The following SNTG1 variants were observed in gnomAD, a reference collection of about 807,000 sequenced individuals.
SNTG1 encodes gamma-1-syntrophin.
In SNTG1, 39 loss-of-function variants were observed where a neutral mutation model predicts 74.7. The observed-to-expected ratio is 0.52, with a 90% confidence interval of 0.40 to 0.68. The LOEUF is 0.68. Among genes scored for constraint, SNTG1 ranks in the 30% least tolerant of loss-of-function variants. The probability of loss-of-function intolerance (pLI) is 0.00; values close to 1 mark genes in which losing one functional copy is unlikely to be tolerated. For missense variants in SNTG1, 685 were observed against 609.5 expected (o/e 1.12, Z -1.30); for synonymous variants, 254 against 217.1 (o/e 1.17, Z -1.49).
At chr8:50,309,727 G>GTGGA (rs1287936635) in intron 2 of SNTG1, among the ~76,000 whole-genome samples, 2 of 152,174 alleles carry the variant, frequency 1.3e-5, no homozygotes, top group Non-Finnish European at 2.9e-5. Context: ...GAGAGACGAA[G>GTGGA]TGGAGATTAA....
chr8:50,550,005 T>A (rs80319411), intron 11 of SNTG1, among the ~76,000 whole-genome samples: 6 of 152,084 alleles, frequency 3.9e-5, no homozygotes, highest in African/African-American at 1.4e-4. Flanking sequence ...CCTTATTAAA[T>A]CTGTAAATTG....
chr8:49,916,387 A>G (rs1806036079), intron 1 of SNTG1, among the ~76,000 whole-genome samples: 1 of 152,158 alleles, frequency 6.6e-6, no homozygotes, highest in Non-Finnish European at 1.5e-5. Context: ...GGTCTCCTGA[A>G]TTTGGTCTTC....
chr8:50,218,331 T>G (rs2084896862), intron 2 of SNTG1, among the ~76,000 whole-genome samples: 1 of 145,942 alleles, frequency 6.9e-6, no homozygotes, highest in African/African-American at 2.8e-5. Flanking sequence ...TTGTAAAAAT[T>G]TAAGAAAAAA....
intron 8 of SNTG1, among the ~76,000 whole-genome samples, chr8:50,494,744 G>A (rs1335721181): frequency 1.3e-5 from 2 of 152,004 alleles, no homozygotes; most frequent in African/African-American, 4.8e-5. Context: ...AGAATGATAT[G>A]TCTCTTTATA....
chr8:50,103,942 G>T (rs2080257902), intron 1 of SNTG1, among the ~76,000 whole-genome samples: 3 of 152,154 alleles, frequency 2.0e-5, no homozygotes, highest in Non-Finnish European at 4.4e-5. Flanking sequence ...GCTTTTTGAT[G>T]TGCTGCTGGA....
At chr8:50,581,303 T>G (rs2094608275) in intron 12 of SNTG1, among the ~76,000 whole-genome samples, 1 of 152,198 alleles carries the variant, frequency 6.6e-6, no homozygotes, top group African/African-American at 2.4e-5. Flanking sequence ...GACAAGATGC[T>G]AGGAAATCCT....
At chr8:50,400,770 T>C (rs2092793265) in intron 3 of SNTG1, among the ~76,000 whole-genome samples, 1 of 151,928 alleles carries the variant, frequency 6.6e-6, no homozygotes, top group Non-Finnish European at 1.5e-5. Flanking sequence ...GAGTTGAGAG[T>C]AGAATAGTGG....
At chr8:50,678,717 T>C (rs1190750979) in intron 15 of SNTG1, among the ~76,000 whole-genome samples, 1 of 152,164 alleles carries the variant, frequency 6.6e-6, no homozygotes, top group Non-Finnish European at 1.5e-5. Flanking sequence ...AATAATAAAA[T>C]TAGAAGCATG....
intron 15 of SNTG1, 125 bp downstream of exon 15, chr8:50,658,788 T>C (rs2095200002): frequency 1.6e-6 from 1 of 630,798 alleles, no homozygotes; most frequent in Non-Finnish European, 2.7e-6. Flanking sequence ...TAAAGACAAA[T>C]GAAAGAGAAA....
rs115399714 is a variant in SNTG1 at position 50,428,621 on chromosome 8, G to A, written c.163-9922G>A. On this transcript the variant is annotated intron_variant, in intron 4 of 18. Coordinates refer to ENST00000642720, the MANE Select transcript of SNTG1 (RefSeq NM_018967.5). ...CAATTTTCAGTGGGCTTTAGGGAAT[G>A]TTAATCTCCTTTTTCACCACTACAC... 5.4e-3 allele frequency among the ~76,000 whole-genome samples: 817 copies of A among 152,254 alleles called. 8 individuals are homozygous for A. The highest frequency in any genetic ancestry group is 0.019 in the African/African-American group (782 of 41,528).
At chr8:50,749,814 G>A (rs1419689612) in intron 17 of SNTG1, among the ~76,000 whole-genome samples, 3 of 151,888 alleles carry the variant, frequency 2.0e-5, no homozygotes, top group East Asian at 1.9e-4. Flanking sequence ...AAAATAATAC[G>A]GCTCACTAAA....
chr8:50,428,734 G>A (rs1011215282), intron 4 of SNTG1, among the ~76,000 whole-genome samples: 2 of 152,092 alleles, frequency 1.3e-5, no homozygotes, highest in Non-Finnish European at 2.9e-5. Flanking sequence ...CAGAAGTGCT[G>A]TAAATGTGAT....
At chr8:50,263,189 C>T (rs2087284003) in intron 2 of SNTG1, among the ~76,000 whole-genome samples, 1 of 152,036 alleles carries the variant, frequency 6.6e-6, no homozygotes, top group Admixed American at 6.6e-5. Flanking sequence ...AGGGGATAGG[C>T]TATGCGTGTG....
chr8:50,695,761 C>T (rs1048998579), intron 15 of SNTG1, among the ~76,000 whole-genome samples: 20 of 151,588 alleles, frequency 1.3e-4, no homozygotes, highest in Non-Finnish European at 2.1e-4. Flanking sequence ...TTTAGGATAA[C>T]GGCCTCCAGT....
chr8:50,641,137 A>T (rs1350726746), intron 13 of SNTG1, among the ~76,000 whole-genome samples: 1 of 152,084 alleles, frequency 6.6e-6, no homozygotes, highest in Non-Finnish European at 1.5e-5. Flanking sequence ...AGCCATAGTG[A>T]CTCATCCCAC....
At chr8:50,151,736 A>G (rs890046912) in intron 1 of SNTG1, among the ~76,000 whole-genome samples, 1 of 152,120 alleles carries the variant, frequency 6.6e-6, no homozygotes, top group African/African-American at 2.4e-5. Context: ...GAGTTTCTTA[A>G]TCCTGAGTTC....
chr8:50,688,428 C>T (rs973685907), intron 15 of SNTG1, among the ~76,000 whole-genome samples: 6 of 152,040 alleles, frequency 3.9e-5, no homozygotes, highest in South Asian at 4.2e-4. Flanking sequence ...TGAATTAATT[C>T]TTGTATAAGG....
At chr8:50,652,209 G>A (rs10110303) in intron 13 of SNTG1, among the ~76,000 whole-genome samples, 1 of 152,116 alleles carries the variant, frequency 6.6e-6, no homozygotes, top group African/African-American at 2.4e-5. Flanking sequence ...CATTTAATAC[G>A]TGCTTTATCA....
intron 13 of SNTG1, among the ~76,000 whole-genome samples, chr8:50,614,842 TA>T (rs2094875402): frequency 6.6e-6 from 1 of 152,136 alleles, no homozygotes; most frequent in African/African-American, 2.4e-5. Context: ...ATGCATATGT[TA>T]AATATATCAA....
Sources: allele counts gnomAD v4.1 joint callset (sites outside exome capture counted in the v4.1 genomes callset), GRCh38; gene constraint gnomAD v4.1.1; transcripts MANE v1.5; gene names NCBI Gene and HGNC (gene_info 2026-07-23, HGNC 2026-07-21).